The following TBCCD1 variants were observed in gnomAD, a reference collection of about 807,000 sequenced individuals.
The protein encoded by TBCCD1 is TBCC domain containing 1.
A neutral mutation model predicts 53.4 loss-of-function variants in TBCCD1; 26 were observed. That is an observed-to-expected ratio of 0.49 (90% CI 0.36 to 0.68). The LOEUF (loss-of-function observed/expected upper bound fraction) is 0.68, where lower values mean the gene tolerates loss of function less well. TBCCD1 is among the 30% of genes least tolerant of loss of function. The pLI, the probability that TBCCD1 is intolerant of heterozygous loss-of-function variation, is 0.00. For synonymous variants in TBCCD1, 245 were observed against 241.7 expected (o/e 1.01, Z -0.13); for missense variants, 558 against 669.5 (o/e 0.83, Z 1.84).
At chr3:186,553,384 C>T (rs1714433152) in intron 6 of TBCCD1, 1 of 152,094 alleles carries the variant, frequency 6.6e-6, no homozygotes, top group Non-Finnish European at 1.5e-5. Context: ...ATTTTTACAA[C>T]ACATTATTAT....
At chr3:186,561,753 C>T (rs147825695) in intron 2 of TBCCD1, among the ~76,000 whole-genome samples, 3,007 of 151,896 alleles carry the variant, frequency 0.02, 100 homozygotes, top group African/African-American at 0.068. Flanking sequence ...CGCGCCACCG[C>T]GCTCCAGCCT....
In TBCCD1 at chr3:186,554,319, T is replaced by C; in HGVS notation, c.1479A>G (p.Ala493=). The C allele has an allele frequency of 1.9e-6, 3 of 1,614,234 alleles. No individual in the cohort carries two copies. Among genetic ancestry groups the C allele is most frequent in the Non-Finnish European group, 2.5e-6 (3 of 1,180,038 alleles). Residue 493 remains alanine, a synonymous_variant, in exon 6 of 8, where the codon GCA becomes GCG. Transcript: ENST00000338733. The part of the protein sequence containing the change: ...PGGLPSVYQK[A]LGQREQKIQI... Reference sequence around the variant, plus strand: ...GTATCTTCTGTTCTCTTTGACCCAGTGCTTTCTGATATACAGATGGAAGAC... The same window carrying C: ...GTATCTTCTGTTCTCTTTGACCCAGCGCTTTCTGATATACAGATGGAAGAC...
At chr3:186,570,030 C>A, upstream of TBCCD1, 1 of 620,836 alleles carries the variant, frequency 1.6e-6, no homozygotes, top group South Asian at 1.7e-5. Context: ...ACAGAACTGC[C>A]AATAAGTGCT....
At chr3:186,547,736 A>G (rs1243009463) in intron 7 of TBCCD1, among the ~76,000 whole-genome samples, 1 of 151,306 alleles carries the variant, frequency 6.6e-6, no homozygotes, top group East Asian at 1.9e-4. Context: ...CCTCCTGAGT[A>G]GCTGGGACTA....
In TBCCD1 at chr3:186,554,789, A is replaced by G. The variant is rs773108519; in HGVS notation, c.1047-38T>C. ...AAAAATGAGGTAAAGTCCTCTGAAT[A>G]AGATTTTAAAAATTTGACTAAAATA... On this transcript the variant is annotated intron_variant, in intron 5 of 7. Coordinates refer to ENST00000338733, the MANE Select transcript of TBCCD1 (RefSeq NM_018138.5). 12 of 1,592,588 alleles carry G rather than the reference A, an allele frequency of 7.5e-6. No individual in the cohort carries two copies. In the Admixed American group the frequency reaches 2.3e-4, roughly 31 times the overall value.
upstream of TBCCD1, chr3:186,570,180 T>C (rs1488465622): frequency 1.4e-6 from 1 of 697,226 alleles, no homozygotes; most frequent in Non-Finnish European, 2.6e-6. Context: ...GAGACAGTTG[T>C]CTTATGGAGT....
intron 6 of TBCCD1, among the ~76,000 whole-genome samples, chr3:186,552,230 G>A (rs1045547707): frequency 6.6e-6 from 1 of 152,064 alleles, no homozygotes; most frequent in African/African-American, 2.4e-5. Flanking sequence ...AAAGTACAAA[G>A]GTTCCAAAGT....
chr3:186,557,510 A>G (rs1389327495), intron 3 of TBCCD1, among the ~76,000 whole-genome samples: 3 of 152,230 alleles, frequency 2.0e-5, no homozygotes, highest in Non-Finnish European at 4.4e-5. Context: ...TAGGGCATCT[A>G]TATAAAGCGG....
At position 186,558,457 on chromosome 3, in the gene TBCCD1, T is replaced by C. The variant is rs1714601886; in HGVS notation, c.452A>G (p.Gln151Arg). The C allele has an allele frequency of 1.9e-6, 3 of 1,614,000 alleles. No homozygotes were observed. The African/African-American group carries it at 4.0e-5, about 22-fold the overall frequency. ...AGATTTTTCAGTCAGGTCAGGAGAC[T>C]GAGATTTGTTTCTGGGACTGGGCCA... ...EEWPSPRNKS[Q>R]SPDLTEKSNC... The change falls in exon 3 of 8, where the codon CAG becomes CGG. Residue 151 changes from glutamine (Q) to arginine (R), a missense_variant. Physicochemically the swap from Gln to Arg is conservative, Grantham distance 43. Coordinates refer to ENST00000338733, the MANE Select transcript of TBCCD1 (RefSeq NM_018138.5).
At chr3:186,561,208 G>T (rs60975282) in intron 2 of TBCCD1, among the ~76,000 whole-genome samples, 7,062 of 152,142 alleles carry the variant, frequency 0.046, 540 homozygotes, top group African/African-American at 0.16. Context: ...GGTTAATATC[G>T]AAAATATATA....
chr3:186,550,734 C>T (rs1329856530), intron 7 of TBCCD1, among the ~76,000 whole-genome samples: 2 of 152,028 alleles, frequency 1.3e-5, no homozygotes, highest in Non-Finnish European at 2.9e-5. Context: ...TTTATTACTG[C>T]TAATATGTGT....
At chr3:186,568,639 G>A (rs558225217), upstream of TBCCD1, among the ~76,000 whole-genome samples, 8 of 152,166 alleles carry the variant, frequency 5.3e-5, no homozygotes, top group African/African-American at 1.9e-4. Flanking sequence ...GGTGGCTCAT[G>A]CCTATAATCC....
At chr3:186,561,545 T>C (rs1714689647) in intron 2 of TBCCD1, among the ~76,000 whole-genome samples, 1 of 152,186 alleles carries the variant, frequency 6.6e-6, no homozygotes, top group Non-Finnish European at 1.5e-5. Flanking sequence ...ATCCCAGCAC[T>C]TTGGGAGGCC....
At chr3:186,550,348 G>A (rs1714336534) in intron 7 of TBCCD1, among the ~76,000 whole-genome samples, 1 of 152,050 alleles carries the variant, frequency 6.6e-6, no homozygotes, top group African/African-American at 2.4e-5. Flanking sequence ...ACTTTGGGAA[G>A]CCAAGGCAAG....
chr3:186,550,020 AGT>A (rs1401494336), intron 7 of TBCCD1, among the ~76,000 whole-genome samples: 1 of 152,108 alleles, frequency 6.6e-6, no homozygotes, highest in Non-Finnish European at 1.5e-5. Context: ...GGAGTTTAGG[AGT>A]TCAAGATCAG....
intron 2 of TBCCD1, 42 bp downstream of exon 2, chr3:186,563,952 C>T: frequency 6.7e-7 from 1 of 1,501,822 alleles, no homozygotes; most frequent in Non-Finnish European, 8.9e-7. Flanking sequence ...AGAATGGTTT[C>T]TTTCCAAAAG....
intron 4 of TBCCD1, 125 bp from the exon 5 acceptor site, chr3:186,555,209 C>T (rs1714502810): frequency 2.4e-6 from 2 of 829,614 alleles, no homozygotes; most frequent in African/African-American, 1.8e-5. Context: ...GGGACAAAAA[C>T]GTTAGATCTG....
At chr3:186,562,103 A>T (rs1714706255) in intron 2 of TBCCD1, among the ~76,000 whole-genome samples, 1 of 152,182 alleles carries the variant, frequency 6.6e-6, no homozygotes, top group Non-Finnish European at 1.5e-5. Flanking sequence ...ACACTTTGGG[A>T]GGCTGAGGTG....
chr3:186,567,257 G>A lies in TBCCD1; in HGVS notation c.-44+10C>T, dbSNP rs1032598711. On this transcript the variant is annotated intron_variant, in intron 1 of 7. Transcript: ENST00000338733. ...CACCGCCCTCCCCGGCGCACCCAGT[G>A]CGCGGTTACCTGCTAATGCAGGCGC... 2.0e-5 allele frequency: 3 copies of A among 152,344 alleles called. No homozygotes were observed. Among genetic ancestry groups the A allele is most frequent in the East Asian group, 1.9e-4 (1 of 5,188 alleles). The allele number at this position is 152,344 out of a possible 1,614,324, so 9.4% of individuals were successfully genotyped here. A position where few individuals can be genotyped will look rare whatever the true frequency, so the allele number is the denominator to read the frequency against.
Sources: allele counts gnomAD v4.1 joint callset (sites outside exome capture counted in the v4.1 genomes callset), GRCh38; gene constraint gnomAD v4.1.1; transcripts MANE v1.5; gene names NCBI Gene and HGNC (gene_info 2026-07-23, HGNC 2026-07-21).